The following BLM variants were observed in gnomAD, a reference collection of about 807,000 sequenced individuals.
BLM encodes BLM RecQ like helicase.
Under a neutral mutation model 135.3 loss-of-function variants are expected in BLM, and 95 were observed. The observed-to-expected ratio is 0.70, with a 90% CI of 0.59 to 0.83. BLM has a LOEUF of 0.83. Among genes scored for constraint, BLM ranks in the 40% least tolerant of loss-of-function variants. BLM has a pLI of 0.00. For synonymous variants in BLM, 520 were observed against 589.2 expected, an observed-to-expected ratio of 0.88 and a Z score of 1.70; for missense variants, 1,518 against 1,663.9, an observed-to-expected ratio of 0.91 and a Z score of 1.53.
At chr15:90,793,036 C>A (rs1896943320) in intron 15 of BLM, among the ~76,000 whole-genome samples, 1 of 150,404 alleles carries the variant, frequency 6.6e-6, no homozygotes, top group Non-Finnish European at 1.5e-5. Flanking sequence ...AATTTAGGCC[C>A]AAACAATTTA....
chr15:90,814,847 A>G (rs1428160262), intron 21 of BLM, among the ~76,000 whole-genome samples: 1 of 152,168 alleles, frequency 6.6e-6, no homozygotes, highest in Non-Finnish European at 1.5e-5. Flanking sequence ...GGTTGGTCAC[A>G]AGTCAGAAAA....
chr15:90,772,407 A>C (rs1596241640), intron 12 of BLM, among the ~76,000 whole-genome samples: 1 of 152,100 alleles, frequency 6.6e-6, no homozygotes, highest in Non-Finnish European at 1.5e-5. Flanking sequence ...ATAATAGAAC[A>C]ATAATAATAG....
rs1002474977 is a variant in BLM, at chr15:90,815,938, C to A, written c.*659C>A. ...ACTAAAAATACAAAAATTAGCCAGG[C>A]GTGGTGTACAGGCACGCCTGTAGTC... is the stretch of plus-strand genomic sequence containing the variant. On this transcript the variant is annotated 3_prime_UTR_variant, in exon 22 of 22. Transcript: ENST00000355112. This position sits in a 1 kb window ranked among gnomAD's most constrained non-coding sequence, Gnocchi z 4.6. The A allele has an allele frequency of 6.6e-6, 1 of 152,428 alleles. No individual in the cohort carries two copies. Among genetic ancestry groups the A allele is most frequent in the Non-Finnish European group, 1.5e-5 (1 of 68,438 alleles). 9.4% of individuals were successfully genotyped at this position (152,428 alleles called of 1,614,324 possible).
In BLM at chr15:90,757,300, G is replaced by A. The variant is rs532387513; in HGVS notation, c.1087+2362G>A. On this transcript the variant is annotated intron_variant, in intron 5 of 21. Coordinates refer to ENST00000355112, the MANE Select transcript of BLM (RefSeq NM_000057.4). The stretch of plus-strand genomic sequence containing the variant: ...CTTATTCACTAGATGCCTCACACAC[G>A]TGTCAGTGACAGGGGCTCTGAGATC... Among the ~76,000 whole-genome samples the A allele has an allele frequency of 7.9e-5, 12 of 152,138 alleles. No individual in the cohort carries two copies. In the East Asian group the frequency reaches 1.9e-3, roughly 25 times the overall value.
At chr15:90,740,053 C>T (rs930517951) in intron 1 of BLM, among the ~76,000 whole-genome samples, 2 of 152,194 alleles carry the variant, frequency 1.3e-5, no homozygotes, top group Non-Finnish European at 2.9e-5. Context: ...GCATGAGCTA[C>T]TGTGTCTGGC....
rs1343335748 is a variant in BLM, at chr15:90,760,750, C to A, written c.1377C>A (p.Pro459=). ...SMKELNFSHL[P]SNSVSPGDCL... ...AGGAGTTAAATTTTTCACACCTTCC[C>A]TCAAATTCTGTTTCTCCTGGGGACT... The change falls in exon 7 of 22, where the codon CCC becomes CCA. Residue 459 remains proline (P), a synonymous_variant. Coordinates refer to ENST00000355112, the MANE Select transcript of BLM (RefSeq NM_000057.4). 6.2e-7 allele frequency: 1 copy of A among 1,614,092 alleles called. No homozygotes were observed. Among genetic ancestry groups the A allele is most frequent in the Non-Finnish European group, 8.5e-7 (1 of 1,180,018 alleles).
chr15:90,765,163 G>T, intron 8 of BLM, 133 bp from the exon 9 acceptor site: 1 of 764,152 alleles, frequency 1.3e-6, no homozygotes, highest in East Asian at 2.5e-5. Context: ...TGAGTCATTT[G>T]AGTATGGCAA....
At chr15:90,794,378 A>G in intron 16 of BLM, 21 bp downstream of exon 16, 1 of 1,486,736 alleles carries the variant, frequency 6.7e-7, no homozygotes. Flanking sequence ...AAGTTTTAAA[A>G]TTCTTTATAA....
chr15:90,769,479 G>A lies in BLM; in HGVS notation c.2448G>A (p.Met816Ile), dbSNP rs756799764. The stretch of plus-strand genomic sequence containing the variant: ...GTCAAGATTACAAAAGAATGAATAT[G>A]CTTCGCCAGAAGTTTCCTTCTGTTC... ...DFRQDYKRMN[M>I]LRQKFPSVPV... The change falls in exon 12 of 22, where the codon ATG becomes ATA. Residue 816 changes from methionine to isoleucine, a missense_variant. Met to Ile is a conservative substitution (Grantham distance 10). Coordinates refer to ENST00000355112, the MANE Select transcript of BLM (RefSeq NM_000057.4). 2 of 1,614,102 alleles carry A rather than the reference G, an allele frequency of 1.2e-6. No individual in the cohort carries two copies. The highest frequency in any genetic ancestry group is 3.3e-5 in the Admixed American group (2 of 60,010).
At position 90,759,010 on chromosome 15, in the gene BLM, G is replaced by A. The variant is rs369623518; in HGVS notation, c.1088-1137G>A. Among the ~76,000 whole-genome samples, 5 of 152,314 alleles carry A rather than the reference G, an allele frequency of 3.3e-5. No homozygotes were observed. In the East Asian group the frequency reaches 9.6e-4, roughly 29 times the overall value. ...AATACACTTTGTGTTGGCACAGTGA[G>A]CTTTGCACATGAAGTTAGTTAAAAA... On this transcript the variant is annotated intron_variant, in intron 5 of 21. Transcript: ENST00000355112.
Position 90,815,285 on chromosome 15 carries a change from GA to G in BLM, c.*8del. The stretch of plus-strand genomic sequence containing the variant: ...CTTCATATGCATTCTCATAACAACC[GA>G]ATCTCAATGTACATAGACCCTCTTT... On this transcript the variant is annotated 3_prime_UTR_variant, in exon 22 of 22. Coordinates refer to ENST00000355112, the MANE Select transcript of BLM (RefSeq NM_000057.4). This position sits in a 1 kb window ranked among gnomAD's most constrained non-coding sequence, Gnocchi z 4.6. The G allele has an allele frequency of 6.2e-7, 1 of 1,612,620 alleles. No homozygotes were observed. Among genetic ancestry groups the G allele is most frequent in the Non-Finnish European group, 8.5e-7 (1 of 1,178,788 alleles).
intron 21 of BLM, among the ~76,000 whole-genome samples, chr15:90,813,790 C>T (rs898736389): frequency 6.6e-6 from 1 of 152,154 alleles, no homozygotes; most frequent in African/African-American, 2.4e-5. Flanking sequence ...TCCTTTCCAC[C>T]GACCCAGTGT....
intron 1 of BLM, among the ~76,000 whole-genome samples, chr15:90,741,066 A>G (rs1294029613): frequency 1.3e-5 from 2 of 152,162 alleles, no homozygotes; most frequent in East Asian, 1.9e-4. Flanking sequence ...CCAGCAGTGT[A>G]TGAGGGTTCT....
At chr15:90,810,151 C>G (rs905599476) in intron 20 of BLM, among the ~76,000 whole-genome samples, 5 of 145,970 alleles carry the variant, frequency 3.4e-5, no homozygotes, top group African/African-American at 1.2e-4. Context: ...CTCCCAGATT[C>G]AAGCAATTAT....
At chr15:90,766,582 C>T (rs1896134002) in intron 9 of BLM, among the ~76,000 whole-genome samples, 1 of 152,096 alleles carries the variant, frequency 6.6e-6, no homozygotes, top group African/African-American at 2.4e-5. Flanking sequence ...CACCTGCCAC[C>T]ACGCCAGGCT....
At chr15:90,723,386 G>A (rs1894821767) in intron 1 of BLM, among the ~76,000 whole-genome samples, 1 of 149,780 alleles carries the variant, frequency 6.7e-6, no homozygotes, top group African/African-American at 2.5e-5. Context: ...GGGCATGGTA[G>A]CTCACTTCTG....
chr15:90,760,394 A>G lies in BLM; in HGVS notation c.1220+115A>G, dbSNP rs189449412. The G allele has an allele frequency of 4.4e-5, 62 of 1,409,956 alleles. 1 individual carries two copies. In the East Asian group the frequency reaches 1.4e-3, roughly 32 times the overall value. The allele number at this position is 1,409,956 out of a possible 1,614,324, so 87.3% of individuals were successfully genotyped here. A position where few individuals can be genotyped will look rare whatever the true frequency, so the allele number is the denominator to read the frequency against. The stretch of plus-strand genomic sequence containing the variant: ...CTGGCCTGGAAATGGCATAAGGATG[A>G]TCATCATGCCACTATGTTTTTGATT... On this transcript the variant is annotated intron_variant, in intron 6 of 21. Transcript: ENST00000355112.
At chr15:90,723,686 C>A (rs1437175467) in intron 1 of BLM, among the ~76,000 whole-genome samples, 1 of 152,060 alleles carries the variant, frequency 6.6e-6, no homozygotes, top group Non-Finnish European at 1.5e-5. Flanking sequence ...TTTTTCTTAA[C>A]CTCTTAACAG....
chr15:90,756,481 G>A (rs576590224), intron 5 of BLM, among the ~76,000 whole-genome samples: 3 of 152,314 alleles, frequency 2.0e-5, no homozygotes, highest in Middle Eastern at 3.4e-3. Context: ...GTTACACACC[G>A]TCATAGAATT....
Sources: gnomAD v4.1 joint callset for allele counts (sites outside exome capture counted in the v4.1 genomes callset) on GRCh38, gnomAD v4.1.1 for gene constraint, Gnocchi (gnomAD v3.1) non-coding constraint, MANE v1.5 for transcripts, NCBI Gene and HGNC (gene_info 2026-07-23, HGNC 2026-07-21) for gene names.